ASIC2: variants seen among roughly 807,000 people sequenced by gnomAD.
ASIC2 encodes acid sensing ion channel subunit 2.
A neutral mutation model predicts 57.3 loss-of-function variants in ASIC2; 25 were observed. That is an observed-to-expected ratio of 0.44 (90% confidence interval 0.32 to 0.61). The LOEUF is 0.61. ASIC2 is among the 20% of genes least tolerant of loss of function. The pLI is 0.06. For missense variants in ASIC2, 641 were observed against 738.1 expected (o/e 0.87, Z 1.52); for synonymous variants, 319 against 307.5 (o/e 1.04, Z -0.39).
intron 1 of ASIC2, among the ~76,000 whole-genome samples, chr17:33,335,221 T>C (rs1356094870): frequency 6.6e-6 from 1 of 152,190 alleles, no homozygotes; most frequent in Non-Finnish European, 1.5e-5. Context: ...AGAAATGATA[T>C]GCTCCCAGTC....
chr17:33,100,687 G>C (rs946452424), intron 2 of ASIC2, among the ~76,000 whole-genome samples: 1 of 152,160 alleles, frequency 6.6e-6, no homozygotes, highest in Non-Finnish European at 1.5e-5. Flanking sequence ...ATATTCCCTA[G>C]ATTATAAACT....
intron 1 of ASIC2, among the ~76,000 whole-genome samples, chr17:33,125,903 G>A (rs1159713459): frequency 6.6e-6 from 1 of 152,172 alleles, no homozygotes; most frequent in Non-Finnish European, 1.5e-5. Context: ...ACCAGGACTA[G>A]GATGGGGCAA....
intron 1 of ASIC2, among the ~76,000 whole-genome samples, chr17:33,337,535 A>G (rs1291836269): frequency 6.6e-6 from 1 of 152,216 alleles, no homozygotes; most frequent in Non-Finnish European, 1.5e-5. Flanking sequence ...AACTGTTCAA[A>G]GGGGATAGTA....
At chr17:33,769,485 T>C (rs1476604180) in intron 1 of ASIC2, among the ~76,000 whole-genome samples, 2 of 152,182 alleles carry the variant, frequency 1.3e-5, no homozygotes, top group Non-Finnish European at 2.9e-5. Context: ...TGCATCAAAG[T>C]TTACTGTACC....
At chr17:33,986,845 T>C (rs9896982) in intron 1 of ASIC2, among the ~76,000 whole-genome samples, 179 of 152,252 alleles carry the variant, frequency 1.2e-3, no homozygotes, top group African/African-American at 4.2e-3. Flanking sequence ...TGCCATGCCT[T>C]GAAGCTCATA....
chr17:34,005,008 C>T (rs1906475981), intron 1 of ASIC2: 1 of 152,120 alleles, frequency 6.6e-6, no homozygotes, highest in Non-Finnish European at 1.5e-5. Context: ...CATGCTTATG[C>T]CTGATGCTAG....
At chr17:33,691,831 G>A (rs1908380119) in intron 1 of ASIC2, among the ~76,000 whole-genome samples, 1 of 152,130 alleles carries the variant, frequency 6.6e-6, no homozygotes, top group Non-Finnish European at 1.5e-5. Flanking sequence ...GCATGTGTGT[G>A]TGTGTGTCTG....
intron 1 of ASIC2, among the ~76,000 whole-genome samples, chr17:33,752,122 T>G (rs960951638): frequency 2.0e-5 from 3 of 152,200 alleles, no homozygotes; most frequent in African/African-American, 7.2e-5. Context: ...GGGTAGAGAC[T>G]GACCCAGGAA....
In ASIC2 at chr17:33,344,199, G is replaced by A. The variant is rs371007274; in HGVS notation, c.556-232132C>T. On this transcript the variant is annotated intron_variant, in intron 1 of 9. Transcript: ENST00000359872. The stretch of plus-strand genomic sequence containing the variant: ...CATGCATTCCCCAGTGCCCAATACA[G>A]GGTGGATGCTCAGTAAATATTTTGA... Among the ~76,000 whole-genome samples, 28 of 152,278 alleles carry A rather than the reference G, an allele frequency of 1.8e-4. No individual in the cohort carries two copies. In the East Asian group the frequency reaches 2.3e-3, roughly 13 times the overall value.
chr17:33,900,301 G>A (rs1365490398), intron 1 of ASIC2, among the ~76,000 whole-genome samples: 1 of 152,264 alleles, frequency 6.6e-6, no homozygotes, highest in Middle Eastern at 3.4e-3. Flanking sequence ...ATATACCAGT[G>A]AGGGAAAGTT....
chr17:33,410,915 T>C (rs1910636436), intron 1 of ASIC2, among the ~76,000 whole-genome samples: 1 of 151,620 alleles, frequency 6.6e-6, no homozygotes, highest in Non-Finnish European at 1.5e-5. Context: ...TAGACGCTTA[T>C]TGGAACTGTG....
intron 1 of ASIC2, among the ~76,000 whole-genome samples, chr17:33,509,429 T>C (rs1003854713): frequency 1.3e-5 from 2 of 152,182 alleles, no homozygotes; most frequent in African/African-American, 2.4e-5. Flanking sequence ...TCAAGGCCAA[T>C]CGGCTCATCT....
chr17:34,099,102 AAGAGAGAGAGAG>A (rs74200841), intron 1 of ASIC2, among the ~76,000 whole-genome samples: 40 of 81,262 alleles, frequency 4.9e-4, no homozygotes, highest in East Asian at 4.4e-3. Context: ...TAAGAGAGAA[AAGAGAGAGAGAG>A]AGAGAGAGAG....
chr17:34,119,100 G>C (rs1295662417), intron 1 of ASIC2, among the ~76,000 whole-genome samples: 1 of 152,184 alleles, frequency 6.6e-6, no homozygotes, highest in African/African-American at 2.4e-5. Context: ...CTACTCAGTG[G>C]AGCCCACAGA....
intron 1 of ASIC2, among the ~76,000 whole-genome samples, chr17:34,094,870 C>A (rs1182543832): frequency 6.6e-6 from 1 of 152,212 alleles, no homozygotes; most frequent in African/African-American, 2.4e-5. Context: ...CATAAAGTCC[C>A]TCCTTTTGAG....
intron 1 of ASIC2, among the ~76,000 whole-genome samples, chr17:33,203,428 C>T (rs1488351364): frequency 6.6e-6 from 1 of 152,206 alleles, no homozygotes; most frequent in African/African-American, 2.4e-5. Context: ...TAAGAAGAAA[C>T]TGGACCTCTG....
intron 1 of ASIC2, among the ~76,000 whole-genome samples, chr17:33,891,115 C>T (rs1490628001): frequency 6.6e-6 from 1 of 152,112 alleles, no homozygotes; most frequent in Non-Finnish European, 1.5e-5. Context: ...CCTCCAGGAT[C>T]TCAATTTTCA....
chr17:33,254,853 T>A (rs1909005458), intron 1 of ASIC2, among the ~76,000 whole-genome samples: 1 of 152,094 alleles, frequency 6.6e-6, no homozygotes, highest in Non-Finnish European at 1.5e-5. Context: ...CACAGACACG[T>A]GCATGGGTGC....
chr17:33,113,751 T>C (rs142478287), intron 1 of ASIC2, among the ~76,000 whole-genome samples: 2,018 of 152,360 alleles, frequency 0.013, 20 homozygotes, highest in Middle Eastern at 0.037. Flanking sequence ...TTGGCAGTTA[T>C]TGCTTTACCT....
Sources: allele counts gnomAD v4.1 joint callset (sites outside exome capture counted in the v4.1 genomes callset), GRCh38; gene constraint gnomAD v4.1.1; transcripts MANE v1.5; gene names NCBI Gene and HGNC (gene_info 2026-07-23, HGNC 2026-07-21).